The following CRADD variants were observed in gnomAD, a reference collection of about 807,000 sequenced individuals.
CRADD encodes the protein CARD and death domain containing adaptor protein, also known as death domain-containing protein CRADD.
In CRADD, 9 loss-of-function variants were observed where a neutral mutation model predicts 15.5. The ratio of observed to expected loss-of-function variants is 0.58; its 90% CI spans 0.35 to 1.01. The LOEUF is 1.01. Among genes scored for constraint, CRADD ranks in the 50% least tolerant of loss-of-function variants. The pLI is 0.02. For synonymous variants in CRADD, 118 were observed against 107.6 expected, an observed-to-expected ratio of 1.10 and a Z score of -0.60; for missense variants, 227 against 250.3, an observed-to-expected ratio of 0.91 and a Z score of 0.63.
At chr12:93,743,942 A>T (rs942602800) in intron 2 of CRADD, among the ~76,000 whole-genome samples, 8 of 151,926 alleles carry the variant, frequency 5.3e-5, no homozygotes, top group African/African-American at 1.9e-4. Flanking sequence ...TTTCTATGTA[A>T]TTTATTGTGC....
At chr12:93,774,465 A>G (rs1011188816) in intron 2 of CRADD, among the ~76,000 whole-genome samples, 2 of 152,160 alleles carry the variant, frequency 1.3e-5, no homozygotes, top group Non-Finnish European at 2.9e-5. Context: ...CTTTCCCCAA[A>G]TGCTGCTGTT....
chr12:93,702,259 G>A (rs11833904), intron 2 of CRADD, among the ~76,000 whole-genome samples: 2,470 of 152,202 alleles, frequency 0.016, 59 homozygotes, highest in African/African-American at 0.056. Context: ...GAAAAGGGAC[G>A]AGTTGTTGGA....
chr12:93,829,945 G>T (rs1957872878), intron 2 of CRADD, among the ~76,000 whole-genome samples: 1 of 152,094 alleles, frequency 6.6e-6, no homozygotes, highest in Admixed American at 6.5e-5. Context: ...GCCCACCTCG[G>T]CCTCCCAAAG....
chr12:93,784,249 G>T (rs540954456), intron 2 of CRADD, among the ~76,000 whole-genome samples: 2 of 152,240 alleles, frequency 1.3e-5, no homozygotes, highest in East Asian at 3.9e-4. Flanking sequence ...GCATGTCAGT[G>T]AGGGCATCAA....
intron 2 of CRADD, among the ~76,000 whole-genome samples, chr12:93,705,623 A>G (rs763005179): frequency 1.3e-5 from 2 of 152,206 alleles, no homozygotes; most frequent in African/African-American, 2.4e-5. Flanking sequence ...ATTTAATCAG[A>G]CTTGCTTTCC....
chr12:93,806,405 CTG>C (rs1957537766), intron 2 of CRADD, among the ~76,000 whole-genome samples: 1 of 131,332 alleles, frequency 7.6e-6, no homozygotes, highest in African/African-American at 2.9e-5. Context: ...TGAGCTGAGA[CTG>C]TGCCACTGTA....
At chr12:93,692,109 G>A (rs1359689548) in intron 2 of CRADD, among the ~76,000 whole-genome samples, 1 of 151,780 alleles carries the variant, frequency 6.6e-6, no homozygotes, top group African/African-American at 2.4e-5. Flanking sequence ...GCAATAGAGA[G>A]TATCAACAGC....
chr12:93,789,590 A>T (rs996145210), intron 2 of CRADD, among the ~76,000 whole-genome samples: 2 of 152,154 alleles, frequency 1.3e-5, no homozygotes, highest in African/African-American at 4.8e-5. Context: ...GAGATGAGGC[A>T]TAGAGTGTGG....
exon 3 of CRADD, chr12:93,894,390 C>A: frequency 2.1e-6 from 1 of 471,112 alleles, no homozygotes; most frequent in Non-Finnish European, 3.9e-6. Context: ...GTCAATGGTG[C>A]AGAGGGTGAG....
chr12:93,698,843 A>G (rs182656881), intron 2 of CRADD, among the ~76,000 whole-genome samples: 1 of 152,332 alleles, frequency 6.6e-6, no homozygotes, highest in Non-Finnish European at 1.5e-5. Flanking sequence ...AGTGTCTATA[A>G]ATAAAGTTTT....
intron 2 of CRADD, among the ~76,000 whole-genome samples, chr12:93,747,934 G>A (rs1284591856): frequency 1.3e-5 from 2 of 152,096 alleles, no homozygotes; most frequent in African/African-American, 4.8e-5. Flanking sequence ...CTCAGTCTTG[G>A]CTCTGCCCTC....
intron 2 of CRADD, among the ~76,000 whole-genome samples, chr12:93,875,271 T>G (rs1958450262): frequency 6.6e-6 from 1 of 151,982 alleles, no homozygotes; most frequent in South Asian, 2.1e-4. Context: ...CATCCTTTTA[T>G]TTTCAGTCTA....
intron 2 of CRADD, among the ~76,000 whole-genome samples, chr12:93,797,673 G>T (rs962108530): frequency 2.6e-5 from 4 of 152,082 alleles, no homozygotes; most frequent in African/African-American, 9.7e-5. Context: ...TAACTCAACT[G>T]CTGGTACTGT....
At chr12:93,697,564 C>T (rs567648347) in intron 2 of CRADD, among the ~76,000 whole-genome samples, 10 of 152,004 alleles carry the variant, frequency 6.6e-5, no homozygotes, top group South Asian at 6.2e-4. Context: ...ACACGATAAA[C>T]GTGTACAATT....
At chr12:93,859,837 C>T (rs1958305392) in intron 2 of CRADD, among the ~76,000 whole-genome samples, 1 of 151,930 alleles carries the variant, frequency 6.6e-6, no homozygotes, top group African/African-American at 2.4e-5. Flanking sequence ...TGATCTACCT[C>T]AGCCTCTCAA....
At chr12:93,747,339 G>T (rs1054390851) in intron 2 of CRADD, among the ~76,000 whole-genome samples, 9 of 152,288 alleles carry the variant, frequency 5.9e-5, no homozygotes, top group African/African-American at 2.2e-4. Context: ...GAGACCTAGG[G>T]CTGGGAACTG....
chr12:93,725,304 A>G (rs1228561964), intron 2 of CRADD, among the ~76,000 whole-genome samples: 2 of 152,182 alleles, frequency 1.3e-5, no homozygotes, highest in Admixed American at 6.5e-5. Flanking sequence ...TTAAACCACC[A>G]TGACTAGTAG....
At chr12:93,780,783 C>A (rs898379636) in intron 2 of CRADD, among the ~76,000 whole-genome samples, 1 of 151,658 alleles carries the variant, frequency 6.6e-6, no homozygotes, top group African/African-American at 2.4e-5. Flanking sequence ...TTCTGTTGCC[C>A]AGGCTGGAGT....
At chr12:93,754,273 T>C (rs1956863722) in intron 2 of CRADD, among the ~76,000 whole-genome samples, 1 of 152,218 alleles carries the variant, frequency 6.6e-6, no homozygotes. Context: ...TGAAACCATT[T>C]TTTCCTGCTA....
Sources: gnomAD v4.1 joint callset for allele counts (sites outside exome capture counted in the v4.1 genomes callset) on GRCh38, gnomAD v4.1.1 for gene constraint, MANE v1.5 for transcripts, NCBI Gene and HGNC (gene_info 2026-07-23, HGNC 2026-07-21) for gene names.